The following BTBD9 variants were observed in gnomAD, a reference collection of about 807,000 sequenced individuals.
BTBD9 encodes the protein BTB/POZ domain-containing protein 9.
Under a neutral mutation model 64.3 loss-of-function variants are expected in BTBD9, and 49 were observed. The ratio of observed to expected loss-of-function variants is 0.76; its 90% CI spans 0.61 to 0.97. BTBD9 has a LOEUF of 0.97. Among genes scored for constraint, BTBD9 ranks in the 50% least tolerant of loss-of-function variants. BTBD9 has a pLI of 0.00. For missense variants in BTBD9, 598 were observed against 762.1 expected (o/e 0.78, Z 2.53); for synonymous variants, 260 against 274.7 (o/e 0.95, Z 0.53).
intron 8 of BTBD9, among the ~76,000 whole-genome samples, chr6:38,266,430 G>A (rs905499790): frequency 4.6e-5 from 7 of 151,868 alleles, no homozygotes; most frequent in African/African-American, 1.7e-4. Flanking sequence ...AAAATTAGCC[G>A]GGCGTGGCAG....
intron 6 of BTBD9, among the ~76,000 whole-genome samples, chr6:38,425,553 T>C (rs1363454048): frequency 1.3e-5 from 2 of 151,772 alleles, no homozygotes; most frequent in Non-Finnish European, 2.9e-5. Flanking sequence ...AAAGTACATA[T>C]AGGGAGAGAG....
intron 6 of BTBD9, among the ~76,000 whole-genome samples, chr6:38,520,190 A>G (rs1773217238): frequency 6.6e-6 from 1 of 152,214 alleles, no homozygotes; most frequent in African/African-American, 2.4e-5. Context: ...ACAGTGGCTC[A>G]CACCTGTAAT....
At chr6:38,302,483 A>ATGTG (rs1223095175) in intron 7 of BTBD9, among the ~76,000 whole-genome samples, 2 of 78,536 alleles carry the variant, frequency 2.5e-5, no homozygotes, top group African/African-American at 1.1e-4. Context: ...CATTGTGTGT[A>ATGTG]TGTATATATA....
In BTBD9 at chr6:38,171,906, AT is replaced by A. The variant is rs1766806631; in HGVS notation, c.*3078del. 1 of 147,816 alleles carries A rather than the reference AT, an allele frequency of 6.8e-6. No individual in the cohort carries two copies. The highest frequency in any genetic ancestry group is 2.0e-4 in the East Asian group (1 of 5,074). The allele number at this position is 147,816 out of a possible 1,614,324, so 9.2% of individuals were successfully genotyped here. ...AATAATAATAATAATAATAATAATA[AT>A]AATGAAAAGTGAAGGGTGGGGGTGC... On this transcript the variant is annotated 3_prime_UTR_variant, in exon 11 of 11. Transcript: ENST00000481247.
chr6:38,457,480 A>T (rs1007504458), intron 6 of BTBD9, among the ~76,000 whole-genome samples: 7 of 147,210 alleles, frequency 4.8e-5, no homozygotes, highest in East Asian at 2.0e-4. Context: ...TGAAGAGTTA[A>T]TTTTTTTTTT....
At chr6:38,519,404 T>A (rs767908663) in intron 6 of BTBD9, among the ~76,000 whole-genome samples, 13 of 152,238 alleles carry the variant, frequency 8.5e-5, no homozygotes, top group Non-Finnish European at 1.8e-4. Flanking sequence ...AGCTGCAATT[T>A]ATTTTGAAGT....
At chr6:38,639,019 C>T (rs550051792) in intron 1 of BTBD9, among the ~76,000 whole-genome samples, 23 of 152,286 alleles carry the variant, frequency 1.5e-4, no homozygotes, top group African/African-American at 5.5e-4. Flanking sequence ...AAAATAGCAG[C>T]CTGTACTGCC....
intron 9 of BTBD9, among the ~76,000 whole-genome samples, chr6:38,237,947 G>C (rs1169354676): frequency 6.6e-6 from 1 of 152,090 alleles, no homozygotes; most frequent in African/African-American, 2.4e-5. Context: ...AGACCAGCCT[G>C]GGCAATAAAG....
intron 6 of BTBD9, among the ~76,000 whole-genome samples, chr6:38,362,146 G>C (rs1764987879): frequency 6.6e-6 from 1 of 152,140 alleles, no homozygotes; most frequent in South Asian, 2.1e-4. Flanking sequence ...CTCCCATAGT[G>C]AACTATAACT....
At chr6:38,550,115 T>C (rs984511000) in intron 6 of BTBD9, among the ~76,000 whole-genome samples, 4 of 152,238 alleles carry the variant, frequency 2.6e-5, no homozygotes, top group Middle Eastern at 3.4e-3. Flanking sequence ...CCTTGGACGT[T>C]AGACATATAT....
intron 6 of BTBD9, among the ~76,000 whole-genome samples, chr6:38,505,498 C>T (rs1389928851): frequency 1.3e-5 from 2 of 151,814 alleles, no homozygotes; most frequent in African/African-American, 4.8e-5. Flanking sequence ...GTGGCAGGCA[C>T]CTGTAATCCC....
intron 4 of BTBD9, 132 bp downstream of exon 4, chr6:38,592,444 A>T: frequency 1.0e-6 from 1 of 964,760 alleles, no homozygotes; most frequent in Non-Finnish European, 1.5e-6. Context: ...GACATTCCAT[A>T]GGCTAGCTGT....
chr6:38,226,300 C>T (rs1197377195), intron 9 of BTBD9, among the ~76,000 whole-genome samples: 3 of 152,224 alleles, frequency 2.0e-5, no homozygotes, highest in African/African-American at 7.2e-5. Context: ...GTATAAGCAA[C>T]TGTCTGTGGC....
intron 6 of BTBD9, among the ~76,000 whole-genome samples, chr6:38,445,219 G>C (rs1769213515): frequency 6.6e-6 from 1 of 152,214 alleles, no homozygotes; most frequent in South Asian, 2.1e-4. Context: ...AAGATTTTTA[G>C]AGTGGTCTAT....
At chr6:38,367,484 C>T (rs1050564559) in intron 6 of BTBD9, among the ~76,000 whole-genome samples, 1 of 152,154 alleles carries the variant, frequency 6.6e-6, no homozygotes, top group Admixed American at 6.5e-5. Flanking sequence ...AAGGACTGGA[C>T]TGAGTCCTCT....
chr6:38,496,150 GCAAGCAAGC>G (rs1159521164), intron 6 of BTBD9, among the ~76,000 whole-genome samples: 10 of 152,278 alleles, frequency 6.6e-5, no homozygotes, highest in Middle Eastern at 3.4e-3. Context: ...AACACTTGGG[GCAAGCAAGC>G]CAGCCCCACT....
intron 6 of BTBD9, among the ~76,000 whole-genome samples, chr6:38,395,941 C>T (rs747940909): frequency 9.2e-5 from 14 of 152,134 alleles, no homozygotes; most frequent in Non-Finnish European, 1.8e-4. Flanking sequence ...GATCTCCTGA[C>T]CTCGTGATTC....
intron 9 of BTBD9, among the ~76,000 whole-genome samples, chr6:38,243,869 A>G (rs1325171747): frequency 2.0e-5 from 3 of 152,162 alleles, no homozygotes; most frequent in Non-Finnish European, 2.9e-5. Flanking sequence ...ATTCATAAAA[A>G]TGCCCTTTTC....
intron 6 of BTBD9, among the ~76,000 whole-genome samples, chr6:38,384,944 T>C (rs1327536864): frequency 2.0e-5 from 3 of 151,902 alleles, no homozygotes; most frequent in Non-Finnish European, 2.9e-5. Context: ...CTATCTGTCA[T>C]TTGGCTTCAG....
Sources: gnomAD v4.1 joint callset for allele counts (sites outside exome capture counted in the v4.1 genomes callset) on GRCh38, gnomAD v4.1.1 for gene constraint, MANE v1.5 for transcripts, NCBI Gene and HGNC (gene_info 2026-07-23, HGNC 2026-07-21) for gene names.